BORCS8: variants seen among roughly 807,000 people sequenced by gnomAD.
BORCS8 encodes BLOC-1-related complex subunit 8.
A neutral mutation model predicts 18.7 loss-of-function variants in BORCS8; 13 were observed. That is an observed-to-expected ratio of 0.70 (90% CI 0.45 to 1.11). BORCS8 has a LOEUF of 1.11. BORCS8 is among the 50% of genes least tolerant of loss of function. The pLI, the probability that BORCS8 is intolerant of heterozygous loss-of-function variation, is 0.00. For synonymous variants in BORCS8, 68 were observed against 64.8 expected (o/e 1.05, Z -0.24); for missense variants, 165 against 165.7 (o/e 1.00, Z 0.02).
chr19:19,185,777 G>C (rs2146423150), intron 3 of BORCS8, among the ~76,000 whole-genome samples: 1 of 152,370 alleles, frequency 6.6e-6, no homozygotes, highest in Non-Finnish European at 1.5e-5. Context: ...CTGGCTGTGG[G>C]AGAGAAATGC....
chr19:19,191,482 A>T (rs1433004673), intron 1 of BORCS8, among the ~76,000 whole-genome samples: 1 of 141,874 alleles, frequency 7.0e-6, no homozygotes, highest in Non-Finnish European at 1.5e-5. Context: ...ACAGTGTGAT[A>T]CCTTGTCTCA....
At chr19:19,177,751 AAG>A (rs1491298180) in intron 5 of BORCS8, 1 of 166,988 alleles carries the variant, frequency 6.0e-6, no homozygotes, top group East Asian at 2.7e-4. Flanking sequence ...AAGAAAAGAA[AAG>A]AAAGGAAGAA....
At chr19:19,184,647 T>C (rs1599756329) in intron 3 of BORCS8, among the ~76,000 whole-genome samples, 1 of 152,196 alleles carries the variant, frequency 6.6e-6, no homozygotes, top group East Asian at 1.9e-4. Flanking sequence ...TTGCCCAGGC[T>C]GGAGTGCAGT....
chr19:19,184,122 C>G (rs960326748), intron 3 of BORCS8, among the ~76,000 whole-genome samples: 2 of 151,826 alleles, frequency 1.3e-5, no homozygotes, highest in Admixed American at 1.3e-4. Flanking sequence ...CGCAAGTGAT[C>G]TGCCCACCTC....
intron 5 of BORCS8, chr19:19,178,551 C>A (rs1038358319): frequency 1.3e-5 from 2 of 152,444 alleles, no homozygotes; most frequent in Non-Finnish European, 2.9e-5. Flanking sequence ...TCAGTTTCCT[C>A]TTCTGTAAAA....
At position 19,182,692 on chromosome 19, in the gene BORCS8, G is replaced by C. The variant is rs1416760517; in HGVS notation, c.216-9C>G. The C allele has an allele frequency of 6.5e-6, 10 of 1,549,326 alleles. No homozygotes were observed. Among genetic ancestry groups the C allele is most frequent in the Non-Finnish European group, 8.7e-6 (10 of 1,146,524 alleles). On this transcript the variant is annotated splice_polypyrimidine_tract_variant and intron_variant, in intron 3 of 5. Coordinates refer to ENST00000462790, the MANE Select transcript of BORCS8 (RefSeq NM_001145784.2). This position sits in a 1 kb window ranked among gnomAD's most constrained non-coding sequence, Gnocchi z 4.1. ...CCAGGTTCTTCACGGCGCTGAAACG[G>C]GAGGACAGGCCTGGTCAGCGCTCCG...
At chr19:19,179,684 T>C (rs952229914) in intron 5 of BORCS8, 10 of 152,716 alleles carry the variant, frequency 6.5e-5, no homozygotes, top group African/African-American at 9.6e-5. Context: ...ATCACAGATA[T>C]AGAATGGTGA....
chr19:19,186,209 A>T, intron 2 of BORCS8, 111 bp from the exon 3 acceptor site: 1 of 1,025,616 alleles, frequency 9.8e-7, no homozygotes, highest in Admixed American at 2.0e-5. Flanking sequence ...GGAAGCAGAG[A>T]CCTTTCCTCC....
intron 3 of BORCS8, among the ~76,000 whole-genome samples, chr19:19,185,578 C>T (rs547965271): frequency 1.2e-4 from 19 of 152,218 alleles, no homozygotes; most frequent in Admixed American, 8.5e-4. Context: ...CCCAGCTACT[C>T]GGGAGGCTGA....
chr19:19,188,995 T>A (rs2060439652), intron 1 of BORCS8, among the ~76,000 whole-genome samples: 1 of 152,010 alleles, frequency 6.6e-6, no homozygotes, highest in Non-Finnish European at 1.5e-5. Context: ...CCACCACGCC[T>A]GGCTAATTTT....
chr19:19,187,170 G>C, intron 1 of BORCS8, 165 bp from the exon 2 acceptor site: 1 of 593,158 alleles, frequency 1.7e-6, no homozygotes, highest in Non-Finnish European at 3.0e-6. Flanking sequence ...GTCACAGCAG[G>C]GCTCACTCAA....
rs1379857464 is a variant in BORCS8, at chr19:19,182,696, G to C, written c.216-13C>G. 1.9e-6 allele frequency: 3 copies of C among 1,548,684 alleles called. No individual in the cohort carries two copies. Among genetic ancestry groups the C allele is most frequent in the East Asian group, 4.9e-5 (2 of 40,886 alleles). The stretch of plus-strand genomic sequence containing the variant: ...GTTCTTCACGGCGCTGAAACGGGAG[G>C]ACAGGCCTGGTCAGCGCTCCGGACC... On this transcript the variant is annotated splice_polypyrimidine_tract_variant and intron_variant, in intron 3 of 5. Transcript: ENST00000462790. This position sits in a 1 kb window ranked among gnomAD's most constrained non-coding sequence, Gnocchi z 4.1.
At chr19:19,187,123 T>G in intron 1 of BORCS8, 118 bp from the exon 2 acceptor site, 1 of 712,918 alleles carries the variant, frequency 1.4e-6, no homozygotes, top group South Asian at 1.8e-5. Flanking sequence ...CCTCCGCAGC[T>G]AGGTCACTCC....
At position 19,182,606 on chromosome 19, in the gene BORCS8, C is replaced by T. The variant is rs768714915; in HGVS notation, c.293G>A (p.Arg98Gln). Residue 98 changes from arginine to glutamine, a missense_variant, in exon 4 of 6, where the codon CGG becomes CAG. Physicochemically the swap from Arg to Gln is conservative, Grantham distance 43. Transcript: ENST00000462790. The surrounding 1 kb of genome is among the most constrained non-coding windows in gnomAD (Gnocchi z 4.1). ...EGLLKQAISI[R>Q]DHMNASAQGH... ...CTGGGCACTGGCATTCATATGGTCC[C>T]GGATGCTGATGGCCTGTTTGAGCAG... 7.7e-6 allele frequency: 12 copies of T among 1,551,176 alleles called. No individual in the cohort carries two copies. The South Asian group carries it at 1.1e-4, about 14-fold the overall frequency.
intron 4 of BORCS8, among the ~76,000 whole-genome samples, 162 bp from the exon 5 acceptor site, chr19:19,180,923 G>A (rs377281022): frequency 1.2e-4 from 18 of 152,300 alleles, no homozygotes; most frequent in East Asian, 3.9e-4. Context: ...GGCCAGGAAC[G>A]GTGGCTCACG....
In BORCS8 at chr19:19,186,944, G is replaced by A. The variant is rs1473637303; in HGVS notation, c.99C>T (p.Tyr33=). The change falls in exon 2 of 6, where the codon TAC becomes TAT. Residue 33 remains tyrosine (Y), a synonymous_variant. Coordinates refer to ENST00000462790, the MANE Select transcript of BORCS8 (RefSeq NM_001145784.2). ...VLANEPSVAL[Y]RLQEHVRRSL... Reference sequence around the variant, plus strand: ...AGCGACGCACATGCTCCTGCAGCCGGTACAGGGCCACGGATGGCTCGTTGG... The same window carrying A: ...AGCGACGCACATGCTCCTGCAGCCGATACAGGGCCACGGATGGCTCGTTGG... 25 of 1,551,284 alleles carry A rather than the reference G, an allele frequency of 1.6e-5. No homozygotes were observed. The highest frequency in any genetic ancestry group is 2.4e-5 in the East Asian group (1 of 40,878).
intron 4 of BORCS8, among the ~76,000 whole-genome samples, chr19:19,181,530 C>T (rs1426383939): frequency 1.3e-5 from 2 of 152,118 alleles, no homozygotes; most frequent in African/African-American, 4.8e-5. Flanking sequence ...ACAAACAGGG[C>T]ATATGAAAGC....
In BORCS8 at chr19:19,186,087, C is replaced by T. The variant is rs1447223113; in HGVS notation, c.162G>A (p.Gln54=). The change falls in exon 3 of 6, where the codon CAG becomes CAA. Residue 54 remains glutamine (Q), a synonymous_variant. Transcript: ENST00000462790. ...CTCCCTGGCTCTGCTCCTCCCAACG[C>T]TGCATGTCTGCCTGTAGGGGGCGCA... ...PELAQHKADM[Q]RWEEQSQGAI... 41 of 1,551,458 alleles carry T rather than the reference C, an allele frequency of 2.6e-5. No individual in the cohort carries two copies. Among genetic ancestry groups the T allele is most frequent in the Non-Finnish European group, 3.6e-5 (41 of 1,146,978 alleles).
chr19:19,191,253 G>A (rs1257120837), intron 1 of BORCS8, among the ~76,000 whole-genome samples: 4 of 151,938 alleles, frequency 2.6e-5, no homozygotes, highest in Non-Finnish European at 5.9e-5. Context: ...TACTCAGGGG[G>A]CTGAGGTTGC....
Sources: gnomAD v4.1 joint callset for allele counts (sites outside exome capture counted in the v4.1 genomes callset) on GRCh38, gnomAD v4.1.1 for gene constraint, Gnocchi (gnomAD v3.1) non-coding constraint, MANE v1.5 for transcripts, NCBI Gene and HGNC (gene_info 2026-07-23, HGNC 2026-07-21) for gene names.